GRIP2: variants seen among roughly 807,000 people sequenced by gnomAD.
GRIP2 encodes the protein glutamate receptor-interacting protein 2.
GRIP2 carries 58 observed loss-of-function variants against 108.3 expected under a neutral mutation model. The ratio of observed to expected loss-of-function variants is 0.54; its 90% CI spans 0.43 to 0.67. The LOEUF (loss-of-function observed/expected upper bound fraction) is 0.67, where lower values mean the gene tolerates loss of function less well. Among genes scored for constraint, GRIP2 ranks in the 30% least tolerant of loss-of-function variants. GRIP2 has a pLI of 0.00. For missense variants in GRIP2, 1,278 were observed against 1,430.6 expected (o/e 0.89, Z 1.72); for synonymous variants, 586 against 598.2 (o/e 0.98, Z 0.30).
chr3:14,554,241 T>C (rs535190453), intron 1 of GRIP2, among the ~76,000 whole-genome samples: 9 of 152,176 alleles, frequency 5.9e-5, no homozygotes, highest in Non-Finnish European at 1.3e-4. Context: ...GAACAAGATT[T>C]GAACCCTGGT....
chr3:14,599,710 TGTTTG>T, the GRIP2 span, among the ~76,000 whole-genome samples: 2 of 149,592 alleles, frequency 1.3e-5, no homozygotes, highest in Non-Finnish European at 3.0e-5. Context: ...TGTGTGTGTG[TGTTTG>T]TGTGTGTGTG....
At chr3:14,597,565 T>A in the GRIP2 span, among the ~76,000 whole-genome samples, 16,175 of 151,934 alleles carry the variant, frequency 0.11, 1,010 homozygotes, top group South Asian at 0.16. Context: ...TTGGTTTTTT[T>A]AAAAAAAAAT....
In GRIP2 at chr3:14,533,162, G is replaced by A. The variant is rs17039748; in HGVS notation, c.40+7107C>T. Among the ~76,000 whole-genome samples the A allele has an allele frequency of 5.3e-3, 814 of 152,302 alleles. 6 individuals carry two copies. The highest frequency in any genetic ancestry group is 0.018 in the African/African-American group (759 of 41,560). On this transcript the variant is annotated intron_variant, in intron 1 of 23. Coordinates refer to ENST00000621039, the MANE Select transcript of GRIP2 (RefSeq NM_001080423.4). The stretch of plus-strand genomic sequence containing the variant: ...CATTAAGTATAATGCCTCCCATTAC[G>A]GTTTCCTAATACGCACTTCATTTAG...
chr3:14,583,815 C>T, the GRIP2 span, among the ~76,000 whole-genome samples: 1 of 152,186 alleles, frequency 6.6e-6, no homozygotes, highest in Non-Finnish European at 1.5e-5. Flanking sequence ...AATTAGCTGC[C>T]TGCCATCTGC....
chr3:14,544,435 C>T (rs1233671426), upstream of GRIP2, among the ~76,000 whole-genome samples: 1 of 152,158 alleles, frequency 6.6e-6, no homozygotes, highest in South Asian at 2.1e-4. Context: ...CTGAGACCCA[C>T]AGAGGGCCTT....
chr3:14,495,456 G>A (rs1244816266), intron 22 of GRIP2, among the ~76,000 whole-genome samples: 1 of 152,142 alleles, frequency 6.6e-6, no homozygotes, highest in East Asian at 1.9e-4. Flanking sequence ...ACCCAGGCTG[G>A]AGTGCAACGG....
At chr3:14,494,805 A>C (rs748656109) in intron 23 of GRIP2, 38 bp downstream of exon 23, 1 of 1,593,106 alleles carries the variant, frequency 6.3e-7, no homozygotes. Context: ...CTAGGAAACA[A>C]TGCCACCCCC....
chr3:14,582,135 A>C, the GRIP2 span, among the ~76,000 whole-genome samples: 1 of 152,236 alleles, frequency 6.6e-6, no homozygotes, highest in African/African-American at 2.4e-5. Flanking sequence ...GCAGGGTATA[A>C]GAGTCTCGCA....
chr3:14,572,560 C>T, the GRIP2 span, among the ~76,000 whole-genome samples: 1,406 of 123,772 alleles, frequency 0.011, 11 homozygotes, highest in Non-Finnish European at 0.017. Flanking sequence ...TGCAGTGAGC[C>T]GAGATCCCGC....
chr3:14,493,481 AC>A lies in GRIP2; in HGVS notation c.*183del. On this transcript the variant is annotated 3_prime_UTR_variant, in exon 24 of 24. Transcript: ENST00000621039. ...CAGCTGTCACTCCAACTAGGGCAGG[AC>A]CTCCCTGCCTGGCACCCCAGTCACC... The A allele has an allele frequency of 2.8e-6, 2 of 703,314 alleles. No homozygotes were observed. The highest frequency in any genetic ancestry group is 4.5e-6 in the Non-Finnish European group (2 of 445,972). 43.6% of individuals were successfully genotyped at this position (703,314 alleles called of 1,614,324 possible). A position where few individuals can be genotyped will look rare whatever the true frequency, so the allele number is the denominator to read the frequency against.
chr3:14,581,346 C>T, the GRIP2 span, among the ~76,000 whole-genome samples: 1 of 152,222 alleles, frequency 6.6e-6, no homozygotes, highest in South Asian at 2.1e-4. Context: ...TACCCCCTGT[C>T]CATGTGATTT....
intron 17 of GRIP2, among the ~76,000 whole-genome samples, chr3:14,508,634 G>A (rs1693996259): frequency 6.6e-6 from 1 of 152,102 alleles, no homozygotes; most frequent in African/African-American, 2.4e-5. Context: ...GACCAGAGCT[G>A]TAGTGTCCAA....
intron 1 of GRIP2, among the ~76,000 whole-genome samples, chr3:14,533,955 C>T (rs1348165131): frequency 1.3e-5 from 2 of 152,160 alleles, no homozygotes; most frequent in Non-Finnish European, 2.9e-5. Flanking sequence ...GGCGAGGCCT[C>T]GAGAGACTTC....
chr3:14,529,264 G>A (rs1339811852), intron 1 of GRIP2, among the ~76,000 whole-genome samples: 1 of 135,382 alleles, frequency 7.4e-6, no homozygotes, highest in African/African-American at 3.0e-5. Context: ...GGGCGACAGA[G>A]TGAGACTCCG....
chr3:14,514,521 G>C, intron 11 of GRIP2, 43 bp from the exon 12 acceptor site: 3 of 1,489,798 alleles, frequency 2.0e-6, no homozygotes, highest in Non-Finnish European at 2.7e-6. Flanking sequence ...GCCGCCCCAC[G>C]GAGGTCTTCC....
chr3:14,564,483 G>GGGGGT, the GRIP2 span, among the ~76,000 whole-genome samples: 1 of 152,232 alleles, frequency 6.6e-6, no homozygotes, highest in Admixed American at 6.5e-5. Context: ...GGGGTTCAGA[G>GGGGGT]TCAAACAGTG....
the GRIP2 span, among the ~76,000 whole-genome samples, chr3:14,576,494 G>A: frequency 6.6e-6 from 1 of 152,252 alleles, no homozygotes; most frequent in African/African-American, 2.4e-5. Context: ...GGCGGGGAGA[G>A]GCGAGGGTGA....
chr3:14,519,805 A>C (rs1694354186), intron 9 of GRIP2, among the ~76,000 whole-genome samples: 1 of 152,230 alleles, frequency 6.6e-6, no homozygotes, highest in South Asian at 2.1e-4. Flanking sequence ...TCTGAGTAGC[A>C]GAGAGCACAG....
chr3:14,525,966 C>T (rs1694544527), intron 1 of GRIP2, 35 bp from the exon 2 acceptor site: 5 of 1,535,208 alleles, frequency 3.3e-6, no homozygotes, highest in Non-Finnish European at 4.4e-6. Flanking sequence ...CCGAGTTCCA[C>T]TTTCGTTTCC....
Sources: allele counts gnomAD v4.1 joint callset (sites outside exome capture counted in the v4.1 genomes callset), GRCh38; gene constraint gnomAD v4.1.1; transcripts MANE v1.5; gene names NCBI Gene and HGNC (gene_info 2026-07-23, HGNC 2026-07-21).